The following PCDHA12 variants were observed in gnomAD, a reference collection of about 807,000 sequenced individuals.
PCDHA12 encodes the protein protocadherin alpha 12, also known as protocadherin alpha-12.
PCDHA12 carries 44 observed loss-of-function variants against 60.0 expected under a neutral mutation model. The ratio of observed to expected loss-of-function variants is 0.73; its 90% CI spans 0.58 to 0.94. The LOEUF is 0.94. Ranked by LOEUF, PCDHA12 falls within the 40% of genes least tolerant of loss-of-function variation. The pLI is 0.00. For missense variants in PCDHA12, 1,276 were observed against 1,239.7 expected, an observed-to-expected ratio of 1.03 and a Z score of -0.44; for synonymous variants, 569 against 553.0, an observed-to-expected ratio of 1.03 and a Z score of -0.40.
intron 3 of PCDHA12, among the ~76,000 whole-genome samples, chr5:140,986,569 T>C (rs1006962446): frequency 7.2e-5 from 11 of 152,296 alleles, no homozygotes; most frequent in East Asian, 3.9e-4. Context: ...TTATCTGTTA[T>C]TGGTTTTTCC....
chr5:140,980,058 A>C (rs1554241393), intron 2 of PCDHA12, among the ~76,000 whole-genome samples: 1 of 152,254 alleles, frequency 6.6e-6, no homozygotes, highest in Non-Finnish European at 1.5e-5. Context: ...ATTCAGAAGC[A>C]ATCAGTGAAG....
At chr5:140,922,150 T>C (rs999486530) in intron 1 of PCDHA12, among the ~76,000 whole-genome samples, 5 of 151,298 alleles carry the variant, frequency 3.3e-5, no homozygotes, top group African/African-American at 1.2e-4. Flanking sequence ...ATGAAACTCA[T>C]CAAAAACAAC....
chr5:140,985,498 C>G (rs540282855), intron 3 of PCDHA12, among the ~76,000 whole-genome samples: 2 of 152,274 alleles, frequency 1.3e-5, no homozygotes, highest in African/African-American at 4.8e-5. Flanking sequence ...ATAGAGCCTG[C>G]CTTTCATTGA....
chr5:140,976,267 T>C (rs115616483), intron 1 of PCDHA12, among the ~76,000 whole-genome samples: 1,952 of 152,234 alleles, frequency 0.013, 51 homozygotes, highest in African/African-American at 0.045. Flanking sequence ...ACACAGACTT[T>C]TGGCAAGGCA....
chr5:140,966,740 C>T lies in PCDHA12; in HGVS notation c.2368-12209C>T, dbSNP rs782420339. 10 of 1,422,580 alleles carry T rather than the reference C, an allele frequency of 7.0e-6. No individual in the cohort carries two copies. In the Admixed American group the frequency reaches 8.4e-5, roughly 12 times the overall value. 88.1% of individuals were successfully genotyped at this position (1,422,580 alleles called of 1,614,324 possible). ...GGAAGCTGCCGCCTCCGGCCCTGCC[C>T]GGCTGCCTCCGCCGCGGCCAGTGGC... On this transcript the variant is annotated intron_variant, in intron 1 of 3. Transcript: ENST00000398631.
chr5:140,998,042 C>T (rs187874119), intron 3 of PCDHA12, among the ~76,000 whole-genome samples: 21 of 152,284 alleles, frequency 1.4e-4, no homozygotes, highest in Non-Finnish European at 2.2e-4. Flanking sequence ...TGTCACTTAA[C>T]TCAGTGACAT....
chr5:140,911,792 T>C (rs1429471693), intron 1 of PCDHA12, among the ~76,000 whole-genome samples: 1 of 152,190 alleles, frequency 6.6e-6, no homozygotes, highest in Non-Finnish European at 1.5e-5. Context: ...TTTTTGGGTC[T>C]AATCATATTA....
intron 1 of PCDHA12, among the ~76,000 whole-genome samples, chr5:140,937,039 C>CT (rs34994034): frequency 0.49 from 69,094 of 140,108 alleles, 17,193 homozygotes; most frequent in East Asian, 0.59. Flanking sequence ...TTCCATTTAT[C>CT]TTTTTTTTTT....
chr5:140,924,944 TA>T (rs11334471), intron 1 of PCDHA12, among the ~76,000 whole-genome samples: 51,245 of 142,818 alleles, frequency 0.36, 9,188 homozygotes, highest in East Asian at 0.56. Flanking sequence ...AATAAAAAGT[TA>T]AAAAAAAAAT....
intron 1 of PCDHA12, chr5:140,967,964 G>T: frequency 6.2e-7 from 1 of 1,614,210 alleles, no homozygotes. Flanking sequence ...CAACCGGAAA[G>T]TGAGCCTGGG....
intron 1 of PCDHA12, among the ~76,000 whole-genome samples, chr5:140,909,996 T>C (rs549464312): frequency 1.3e-5 from 2 of 152,192 alleles, no homozygotes; most frequent in African/African-American, 4.8e-5. Context: ...ACAGCATAAA[T>C]TGTTGTCAGT....
intron 1 of PCDHA12, among the ~76,000 whole-genome samples, chr5:140,887,610 A>G (rs544288452): frequency 3.2e-4 from 49 of 151,656 alleles, no homozygotes; most frequent in Admixed American, 2.7e-3. Context: ...GTGCTTTAGT[A>G]TGGTTTTCTT....
chr5:140,884,733 T>C lies in PCDHA12; in HGVS notation c.2367+6894T>C, dbSNP rs782206169. On this transcript the variant is annotated intron_variant, in intron 1 of 3. Transcript: ENST00000398631. ...TCCTTGCAGTTGTTTGTTTAAGACA[T>C]CTTTCCTGCCAATTTCAAATTATTC... 1.1e-4 allele frequency: 158 copies of C among 1,448,002 alleles called. No homozygotes were observed. The Middle Eastern group carries it at 1.8e-3, about 17-fold the overall frequency. The allele number at this position is 1,448,002 out of a possible 1,614,324, so 89.7% of individuals were successfully genotyped here. A position where few individuals can be genotyped will look rare whatever the true frequency, so the allele number is the denominator to read the frequency against.
intron 1 of PCDHA12, among the ~76,000 whole-genome samples, chr5:140,918,947 G>T (rs56003): frequency 0.32 from 48,109 of 152,058 alleles, 7,963 homozygotes; most frequent in East Asian, 0.53. Context: ...ATAATATCCT[G>T]AACAGACTAA....
chr5:140,977,841 A>G lies in PCDHA12; in HGVS notation c.2368-1108A>G, dbSNP rs76111417. On this transcript the variant is annotated intron_variant, in intron 1 of 3. Transcript: ENST00000398631. The stretch of plus-strand genomic sequence containing the variant: ...TTTTGAATGGTCTATTGATATTACT[A>G]TGGCTTTGTTTCTACCAAATATGGT... Among the ~76,000 whole-genome samples the G allele has an allele frequency of 8.3e-3, 1,257 of 152,348 alleles. 23 individuals carry two copies. Among genetic ancestry groups the G allele is most frequent in the African/African-American group, 0.028 (1,184 of 41,574 alleles).
At chr5:140,962,665 C>G (rs1457197885) in intron 1 of PCDHA12, among the ~76,000 whole-genome samples, 1 of 152,146 alleles carries the variant, frequency 6.6e-6, no homozygotes, top group African/African-American at 2.4e-5. Context: ...TTTTCATCTT[C>G]CCATCCACTG....
In PCDHA12 at chr5:141,010,341, T is replaced by C. The variant is rs199826290; in HGVS notation, c.*404T>C. ...GAGCAGCTTGGGAGTTTGTGGCCAC[T>C]GGGTATGTGTGGCTACCGCGGGTAT... is the stretch of plus-strand genomic sequence containing the variant. On this transcript the variant is annotated 3_prime_UTR_variant, in exon 4 of 4. Coordinates refer to ENST00000398631, the MANE Select transcript of PCDHA12 (RefSeq NM_018903.4). 1 of 1,503,238 alleles carries C rather than the reference T, an allele frequency of 6.7e-7. No homozygotes were observed. The highest frequency in any genetic ancestry group is 8.9e-7 in the Non-Finnish European group (1 of 1,119,606). The allele number at this position is 1,503,238 out of a possible 1,614,324, so 93.1% of individuals were successfully genotyped here. A position where few individuals can be genotyped will look rare whatever the true frequency, so the allele number is the denominator to read the frequency against.
intron 1 of PCDHA12, among the ~76,000 whole-genome samples, chr5:140,947,220 T>A (rs531697572): frequency 6.6e-6 from 1 of 151,686 alleles, no homozygotes; most frequent in East Asian, 1.9e-4. Flanking sequence ...ATCCTGTCAT[T>A]TATGACAGGA....
intron 1 of PCDHA12, chr5:140,882,756 G>T: frequency 6.2e-7 from 1 of 1,614,238 alleles, no homozygotes; most frequent in Non-Finnish European, 8.5e-7. Flanking sequence ...GCAGATATTG[G>T]AGTAAACTCG....
Sources: gnomAD v4.1 joint callset for allele counts (sites outside exome capture counted in the v4.1 genomes callset) on GRCh38, gnomAD v4.1.1 for gene constraint, MANE v1.5 for transcripts, NCBI Gene and HGNC (gene_info 2026-07-23, HGNC 2026-07-21) for gene names.